The following SHCBP1L variants were observed in gnomAD, a reference collection of about 807,000 sequenced individuals.
SHCBP1L encodes the protein testicular spindle-associated protein SHCBP1L.
SHCBP1L carries 67 observed loss-of-function variants against 62.5 expected under a neutral mutation model. The observed-to-expected ratio is 1.07, with a 90% CI of 0.88 to 1.31. SHCBP1L has a LOEUF of 1.31. Among genes scored for constraint, SHCBP1L ranks in the 40% most tolerant of loss-of-function variants. The pLI, the probability that SHCBP1L is intolerant of heterozygous loss-of-function variation, is 0.00. For missense variants in SHCBP1L, 823 were observed against 809.8 expected (o/e 1.02, Z -0.20); for synonymous variants, 284 against 289.4 (o/e 0.98, Z 0.19).
At chr1:182,930,256 C>G (rs942383265) in intron 5 of SHCBP1L, among the ~76,000 whole-genome samples, 1 of 152,050 alleles carries the variant, frequency 6.6e-6, no homozygotes, top group African/African-American at 2.4e-5. Context: ...TCCAGCTTCT[C>G]TCTTAGTTGT....
At chr1:182,922,540 C>T (rs1488224982) in intron 6 of SHCBP1L, among the ~76,000 whole-genome samples, 35 of 147,508 alleles carry the variant, frequency 2.4e-4, no homozygotes, top group Non-Finnish European at 3.9e-4. Context: ...GGTGACAGAG[C>T]GAGACTCCAT....
At chr1:182,932,552 C>T (rs369783256) in intron 5 of SHCBP1L, among the ~76,000 whole-genome samples, 8 of 152,158 alleles carry the variant, frequency 5.3e-5, no homozygotes, top group East Asian at 3.9e-4. Context: ...ACAATCTCAG[C>T]GGCACGATCT....
chr1:182,941,845 G>A (rs947008553), intron 2 of SHCBP1L, among the ~76,000 whole-genome samples: 7 of 152,092 alleles, frequency 4.6e-5, no homozygotes, highest in Non-Finnish European at 7.4e-5. Context: ...TGATACCTGA[G>A]ACAGTCAAAG....
chr1:182,937,217 C>T (rs1651208894), intron 5 of SHCBP1L, among the ~76,000 whole-genome samples: 1 of 151,900 alleles, frequency 6.6e-6, no homozygotes, highest in East Asian at 1.9e-4. Flanking sequence ...AACAGGCCTA[C>T]TAATGATAAA....
chr1:182,947,834 A>G (rs1651612847), intron 2 of SHCBP1L, among the ~76,000 whole-genome samples: 1 of 152,104 alleles, frequency 6.6e-6, no homozygotes, highest in South Asian at 2.1e-4. Context: ...GTGCACCACC[A>G]CCCAGTTCAT....
chr1:182,917,618 G>A lies in SHCBP1L; in HGVS notation c.1183-11969C>T, dbSNP rs1285800235. Among the ~76,000 whole-genome samples the A allele has an allele frequency of 2.0e-5, 3 of 152,168 alleles. No individual in the cohort carries two copies. The East Asian group carries it at 5.8e-4, about 29-fold the overall frequency. On this transcript the variant is annotated intron_variant, in intron 6 of 9. Coordinates refer to ENST00000367547, the MANE Select transcript of SHCBP1L (RefSeq NM_030933.4). Reference sequence around the variant, plus strand: ...TGTCAACAGATTTGGTTTCTTCTGAGCCTCTCTCAGCTTGCAGGTGGTTGT... The same window carrying A: ...TGTCAACAGATTTGGTTTCTTCTGAACCTCTCTCAGCTTGCAGGTGGTTGT...
Position 182,952,894 on chromosome 1 carries a change from G to T in SHCBP1L, c.240C>A (p.Asp80Glu). ...CCGCCGCCGCCGCCGCCTCTCCCGT[G>T]TCCTCGGCCTGAGCCGCGGGCAGGC... The part of the protein sequence containing the change: ...LQRLPAAQAE[D>E]TGEAAAAAAE... The change falls in exon 1 of 10, where the codon GAC becomes GAA. Residue 80 changes from aspartate to glutamate, a missense_variant. By Grantham distance (45) the Asp-to-Glu change is conservative. Transcript: ENST00000367547. The T allele has an allele frequency of 6.3e-7, 1 of 1,589,070 alleles. No individual in the cohort carries two copies. The highest frequency in any genetic ancestry group is 8.6e-7 in the Non-Finnish European group (1 of 1,168,788).
intron 6 of SHCBP1L, among the ~76,000 whole-genome samples, chr1:182,918,954 G>A (rs1281691971): frequency 6.6e-6 from 1 of 152,116 alleles, no homozygotes; most frequent in Non-Finnish European, 1.5e-5. Context: ...CATGCAAAAG[G>A]ATAAAGCTGA....
intron 5 of SHCBP1L, among the ~76,000 whole-genome samples, chr1:182,933,750 G>A (rs1455754236): frequency 6.6e-6 from 1 of 152,056 alleles, no homozygotes; most frequent in African/African-American, 2.4e-5. Context: ...GTATTTTGTT[G>A]AGGATTTTGT....
At chr1:182,904,597 A>C (rs753742699) in intron 7 of SHCBP1L, among the ~76,000 whole-genome samples, 167 bp from the exon 8 acceptor site, 3 of 150,358 alleles carry the variant, frequency 2.0e-5, no homozygotes, top group African/African-American at 4.9e-5. Context: ...ATTTTTAGAG[A>C]TGGTTCTCGC....
At chr1:182,927,089 TATATATATATATATATATATATATA>T (rs1650784679) in intron 6 of SHCBP1L, among the ~76,000 whole-genome samples, 2 of 30,496 alleles carry the variant, frequency 6.6e-5, no homozygotes, top group Non-Finnish European at 1.1e-4. Context: ...TATATATATA[TATATATATATATATATATATATATA>T]CTCTCTCTCT....
chr1:182,912,035 G>A (rs1650204974), intron 6 of SHCBP1L, among the ~76,000 whole-genome samples: 1 of 152,170 alleles, frequency 6.6e-6, no homozygotes, highest in Non-Finnish European at 1.5e-5. Flanking sequence ...GGGTGCTTTA[G>A]GCCTCATGAA....
chr1:182,947,134 G>A (rs771371690), intron 2 of SHCBP1L, among the ~76,000 whole-genome samples: 51 of 151,856 alleles, frequency 3.4e-4, no homozygotes, highest in Non-Finnish European at 6.5e-4. Flanking sequence ...CTACTCAGGA[G>A]GCTGAGGCAG....
At chr1:182,927,614 G>A (rs1221411919) in intron 6 of SHCBP1L, among the ~76,000 whole-genome samples, 1 of 149,574 alleles carries the variant, frequency 6.7e-6, no homozygotes, top group African/African-American at 2.5e-5. Flanking sequence ...GGAGCTTGCA[G>A]TGAGGCGAGA....
chr1:182,916,762 A>C (rs1455987052), intron 6 of SHCBP1L, among the ~76,000 whole-genome samples: 1 of 152,204 alleles, frequency 6.6e-6, no homozygotes, highest in Non-Finnish European at 1.5e-5. Flanking sequence ...ATCTCCCAAC[A>C]AAGAAAAGTC....
Position 182,905,280 on chromosome 1 carries a change from T to G in SHCBP1L, c.1336+216A>C, listed in dbSNP as rs74129618. On this transcript the variant is annotated intron_variant, in intron 7 of 9. Coordinates refer to ENST00000367547, the MANE Select transcript of SHCBP1L (RefSeq NM_030933.4). ...CTTAGTAAAGTGATGTGAAAAGCAG[T>G]AAAGATAGATAAGAAAAAAGTGCTT... Among the ~76,000 whole-genome samples the G allele has an allele frequency of 5.2e-3, 785 of 152,234 alleles. 8 individuals are homozygous for G. Among genetic ancestry groups the G allele is most frequent in the African/African-American group, 0.018 (743 of 41,524 alleles).
intron 6 of SHCBP1L, among the ~76,000 whole-genome samples, chr1:182,907,919 A>G (rs545399856): frequency 1.3e-5 from 2 of 152,318 alleles, no homozygotes; most frequent in East Asian, 3.9e-4. Flanking sequence ...AAAAACATGG[A>G]AAAGAAAGCA....
intron 5 of SHCBP1L, among the ~76,000 whole-genome samples, chr1:182,931,270 A>G (rs1214370757): frequency 2.0e-5 from 3 of 151,856 alleles, no homozygotes; most frequent in African/African-American, 7.3e-5. Context: ...GCTATATACC[A>G]GTTAATTAGC....
In SHCBP1L at chr1:182,903,082, G is replaced by T; in HGVS notation, c.1667C>A (p.Thr556Asn). ...TAAGGTGCTTTTTGAACTGTTACTGGTTCTGAGGTTATTACAGTGATGAAT... is the reference window on the plus strand; with the variant it reads ...TAAGGTGCTTTTTGAACTGTTACTGTTTCTGAGGTTATTACAGTGATGAAT... ...NEIHHCNNLR[T>N]SNSSKSTLGG... The change falls in exon 9 of 10, where the codon ACC becomes AAC. Residue 556 changes from threonine (T) to asparagine (N), a missense_variant. Coordinates refer to ENST00000367547, the MANE Select transcript of SHCBP1L (RefSeq NM_030933.4). The T allele has an allele frequency of 6.2e-7, 1 of 1,601,690 alleles. No homozygotes were observed. The highest frequency in any genetic ancestry group is 1.1e-5 in the South Asian group (1 of 88,952).
Sources: allele counts gnomAD v4.1 joint callset (sites outside exome capture counted in the v4.1 genomes callset), GRCh38; gene constraint gnomAD v4.1.1; transcripts MANE v1.5; gene names NCBI Gene and HGNC (gene_info 2026-07-23, HGNC 2026-07-21).